Variants in VWF observed in about 807,000 individuals in gnomAD.
The protein encoded by VWF is Factor VIII related antigen.
Under a neutral mutation model 308.6 loss-of-function variants are expected in VWF, and 176 were observed. The observed-to-expected ratio is 0.57, with a 90% CI of 0.50 to 0.65. The LOEUF is 0.65. Ranked by LOEUF, VWF falls within the 30% of genes least tolerant of loss-of-function variation. VWF has a pLI of 0.00. For missense variants in VWF, 3,146 were observed against 3,648.2 expected (o/e 0.86, Z 3.55); for synonymous variants, 1,385 against 1,443.4 (o/e 0.96, Z 0.92).
At chr12:5,977,641 G>A (rs1184270141) in intron 42 of VWF, among the ~76,000 whole-genome samples, 3 of 152,004 alleles carry the variant, frequency 2.0e-5, no homozygotes, top group Non-Finnish European at 2.9e-5. Flanking sequence ...AGGCTGAGGC[G>A]GGCAGATTGG....
chr12:6,121,710 C>G (rs1565397247), intron 2 of VWF, among the ~76,000 whole-genome samples: 4 of 152,272 alleles, frequency 2.6e-5, no homozygotes, highest in East Asian at 1.9e-4. Context: ...GTGGGCAGAT[C>G]ACCTGAGGTC....
Position 6,110,821 on chromosome 12 carries a change from A to C in VWF, c.323+45T>G, listed in dbSNP as rs116487341. 1.8e-3 allele frequency: 2,851 copies of C among 1,584,802 alleles called. 41 individuals carry two copies. The African/African-American group carries it at 0.035, about 20-fold the overall frequency. ...CATCTAAAAATGAGGGGGTTGTGTC[A>C]GGGGATCCCTAGGGTCCTTTCTAAC... is the stretch of plus-strand genomic sequence containing the variant. On this transcript the variant is annotated intron_variant, in intron 4 of 51. Coordinates refer to ENST00000261405, the MANE Select transcript of VWF (RefSeq NM_000552.5).
In VWF at chr12:5,988,195, G is replaced by A. The variant is rs74417603; in HGVS notation, c.6799-2530C>T. 6.0e-3 allele frequency among the ~76,000 whole-genome samples: 906 copies of A among 152,230 alleles called. 9 individuals carry two copies. The highest frequency in any genetic ancestry group is 0.02 in the African/African-American group (847 of 41,532). ...ACGAAGGAACACTCCCGCAGTGCCCGGCATCACAGGTGAGGCAGGTGGCTG... is the reference window on the plus strand; with the variant it reads ...ACGAAGGAACACTCCCGCAGTGCCCAGCATCACAGGTGAGGCAGGTGGCTG... On this transcript the variant is annotated intron_variant, in intron 38 of 51. Coordinates refer to ENST00000261405, the MANE Select transcript of VWF (RefSeq NM_000552.5).
Position 6,034,798 on chromosome 12 carries a change from T to C in VWF, c.2575A>G (p.Thr859Ala), listed in dbSNP as rs371017187. Residue 859 changes from threonine (T) to alanine (A), a missense_variant, in exon 20 of 52, where the codon ACA becomes GCA. Thr to Ala is a moderately conservative substitution (Grantham distance 58, BLOSUM62 0). Around this residue, in one of 3 missense-constraint regions of VWF, gnomAD observed 1,304 missense variants for 1,353.0 expected, o/e 0.96. Transcript: ENST00000261405. ...CVCQDRKWNCTDHVCDATCST... is the reference protein window; with the variant it reads ...CVCQDRKWNCADHVCDATCST... ...CACGTGGCATCACACACATGGTCTG[T>C]GCAGTTCCACTTCCGGTCCTGACAG... The C allele has an allele frequency of 3.7e-6, 6 of 1,614,082 alleles. No individual in the cohort carries two copies. The African/African-American group carries it at 8.0e-5, about 22-fold the overall frequency.
chr12:6,012,704 T>G (rs1339207603), intron 32 of VWF, among the ~76,000 whole-genome samples: 4 of 35,382 alleles, frequency 1.1e-4, no homozygotes, highest in African/African-American at 2.0e-4. Context: ...TGTGTGTGTA[T>G]TTTTTTTTTT....
At chr12:6,082,245 G>A (rs1450562612) in intron 6 of VWF, among the ~76,000 whole-genome samples, 2 of 152,158 alleles carry the variant, frequency 1.3e-5, no homozygotes, top group East Asian at 1.9e-4. Flanking sequence ...GATTGCAGGC[G>A]TGAGCCACCG....
At chr12:5,984,814 A>T (rs902179086) in intron 40 of VWF, among the ~76,000 whole-genome samples, 1 of 152,204 alleles carries the variant, frequency 6.6e-6, no homozygotes, top group African/African-American at 2.4e-5. Flanking sequence ...CCATTCTTGT[A>T]TTAATCCTGT....
chr12:6,029,793 C>A (rs951297850), intron 21 of VWF, among the ~76,000 whole-genome samples: 1 of 152,170 alleles, frequency 6.6e-6, no homozygotes, highest in Non-Finnish European at 1.5e-5. Flanking sequence ...ATTTTATTGA[C>A]AATTAGTCAT....
intron 1 of VWF, among the ~76,000 whole-genome samples, chr12:6,123,487 G>A (rs917410351): frequency 6.6e-6 from 1 of 152,136 alleles, no homozygotes; most frequent in African/African-American, 2.4e-5. Flanking sequence ...TTCCCTCCAG[G>A]CCCGCTGGGC....
At position 6,019,803 on chromosome 12, in the gene VWF, C is replaced by G; in HGVS notation, c.3675-60G>C. The G allele has an allele frequency of 6.5e-7, 1 of 1,538,040 alleles. No homozygotes were observed. ...GGAAGAACCTGTGGACACTTCTGAG[C>G]CCTACAGTGTACAATGACTTCCATA... On this transcript the variant is annotated intron_variant, in intron 27 of 51. Transcript: ENST00000261405. This position sits in a 1 kb window ranked among gnomAD's most constrained non-coding sequence, Gnocchi z 5.8.
In VWF at chr12:6,011,694, C is replaced by A. The variant is rs1048674696; in HGVS notation, c.5765G>T (p.Gly1922Val). The A allele has an allele frequency of 6.2e-7, 1 of 1,613,906 alleles. No individual in the cohort carries two copies. Among genetic ancestry groups the A allele is most frequent in the Non-Finnish European group, 8.5e-7 (1 of 1,179,862 alleles). Residue 1922 changes from glycine to valine, a missense_variant, in exon 34 of 52, where the codon GGG becomes GTG. Gly to Val is a moderately radical substitution (Grantham distance 109, BLOSUM62 -3). Transcript: ENST00000261405. ...LKSHRVNCDR[G>V]LRPSCPNSQS... is the part of the protein sequence containing the mutation. ...GCTGTTAGGGCACGAAGGCCTCAGC[C>A]CCCGGTCACAGTTGACCCGATGACT...
intron 5 of VWF, among the ~76,000 whole-genome samples, chr12:6,099,080 G>A (rs940545664): frequency 1.3e-5 from 2 of 152,028 alleles, no homozygotes; most frequent in African/African-American, 2.4e-5. Context: ...TGCACTTTGG[G>A]AGGCCGAGGC....
chr12:5,964,219 A>AATAAATACATAC lies in VWF; in HGVS notation c.7887+3266_7887+3267insGTATGTATTTAT, dbSNP rs1555189771. ...GCGACAGAGAGAGACTCTGTCTAAA[A>AATAAATACATAC]ATACATACATACATACATACATACA... is the stretch of plus-strand genomic sequence containing the variant. On this transcript the variant is annotated intron_variant, in intron 47 of 51. Coordinates refer to ENST00000261405, the MANE Select transcript of VWF (RefSeq NM_000552.5). Among the ~76,000 whole-genome samples the AATAAATACATAC allele has an allele frequency of 1.5e-3, 172 of 118,224 alleles. 2 individuals are homozygous for AATAAATACATAC. Among genetic ancestry groups the AATAAATACATAC allele is most frequent in the African/African-American group, 6.2e-3 (165 of 26,742 alleles). The allele number at this position is 118,224 out of a possible 152,430, so 77.6% of individuals were successfully genotyped here.
chr12:5,962,009 C>T (rs1004674823), intron 47 of VWF, among the ~76,000 whole-genome samples: 1 of 151,880 alleles, frequency 6.6e-6, no homozygotes, highest in African/African-American at 2.4e-5. Context: ...TTTTGCCTTT[C>T]CACCTTCTGC....
chr12:6,081,473 G>A (rs1039942138), intron 6 of VWF, among the ~76,000 whole-genome samples: 1 of 152,172 alleles, frequency 6.6e-6, no homozygotes, highest in African/African-American at 2.4e-5. Flanking sequence ...CCAAGTAGCT[G>A]GGATTACAGG....
chr12:6,087,737 C>T (rs941691198), intron 6 of VWF, among the ~76,000 whole-genome samples: 13 of 152,018 alleles, frequency 8.6e-5, no homozygotes, highest in African/African-American at 3.1e-4. Context: ...AGCATTCATG[C>T]GGCAGGTAGG....
At chr12:6,084,205 A>G (rs1166389855) in intron 6 of VWF, among the ~76,000 whole-genome samples, 2 of 152,234 alleles carry the variant, frequency 1.3e-5, no homozygotes, top group African/African-American at 4.8e-5. Flanking sequence ...TCAAATGCTT[A>G]TAACTATTCT....
chr12:6,092,624 T>TGAGAGAGAGAGAGAGA (rs1180180618), intron 6 of VWF, among the ~76,000 whole-genome samples: 59 of 87,056 alleles, frequency 6.8e-4, no homozygotes, highest in African/African-American at 1.3e-3. Flanking sequence ...TGAGAGTGTG[T>TGAGAGAGAGAGAGAGA]GTGTGTGTGT....
In VWF at chr12:5,949,876, C is replaced by G. The variant is rs1193830108; in HGVS notation, c.8163G>C (p.Glu2721Asp). Reference sequence around the variant, plus strand: ...TGGCAGTGATGTCGTTGCACTCAGGCTCCTCACCTACAGGACAGGTGAGAG... The same window carrying G: ...TGGCAGTGATGTCGTTGCACTCAGGGTCCTCACCTACAGGACAGGTGAGAG... Reference protein sequence around the residue: ...IPGTCCDTCEEPECNDITARL... With the variant: ...IPGTCCDTCEDPECNDITARL... Residue 2721 changes from glutamate (E) to aspartate (D), a missense_variant, in exon 51 of 52, where the codon GAG becomes GAC. Physicochemically the swap from Glu to Asp is conservative, Grantham distance 45. Transcript: ENST00000261405. 1 of 1,613,498 alleles carries G rather than the reference C, an allele frequency of 6.2e-7. No individual in the cohort carries two copies. The highest frequency in any genetic ancestry group is 2.2e-5 in the East Asian group (1 of 44,876).
Sources: allele counts gnomAD v4.1 joint callset (sites outside exome capture counted in the v4.1 genomes callset), GRCh38; gene constraint gnomAD v4.1.1; regional missense constraint gnomAD v4.1.1; non-coding constraint Gnocchi (gnomAD v3.1); transcripts MANE v1.5; gene names NCBI Gene and HGNC (gene_info 2026-07-23, HGNC 2026-07-21).